Variants in SORBS2 observed in about 807,000 individuals in gnomAD.
SORBS2 encodes the protein sorbin and SH3 domain-containing protein 2.
Under a neutral mutation model 97.7 loss-of-function variants are expected in SORBS2, and 46 were observed. The observed-to-expected ratio is 0.47, with a 90% CI of 0.37 to 0.60. SORBS2 has a LOEUF of 0.60. Ranked by LOEUF, SORBS2 falls within the 20% of genes least tolerant of loss-of-function variation. The probability of loss-of-function intolerance (pLI) is 0.00; values close to 1 mark genes in which losing one functional copy is unlikely to be tolerated. For missense variants in SORBS2, 1,316 were observed against 1,282.3 expected (o/e 1.03, Z -0.40); for synonymous variants, 476 against 473.4 (o/e 1.01, Z -0.07).
At chr4:185,882,115 G>T (rs1057051447) in intron 1 of SORBS2, among the ~76,000 whole-genome samples, 4 of 152,014 alleles carry the variant, frequency 2.6e-5, no homozygotes, top group Non-Finnish European at 4.4e-5. Flanking sequence ...TTAAACTGAT[G>T]AAAAAGAAAC....
chr4:185,864,243 A>G (rs1377132361), intron 1 of SORBS2, among the ~76,000 whole-genome samples: 1 of 152,236 alleles, frequency 6.6e-6, no homozygotes, highest in Non-Finnish European at 1.5e-5. Context: ...CATGCCACCA[A>G]CAAAATACCT....
At chr4:185,856,542 T>A in intron 1 of SORBS2, among the ~76,000 whole-genome samples, 1 of 152,172 alleles carries the variant, frequency 6.6e-6, no homozygotes, top group East Asian at 1.9e-4. Flanking sequence ...CATTAAAGCA[T>A]CTCCAGTAAC....
At chr4:185,716,871 G>A (rs1288954265) in intron 2 of SORBS2, among the ~76,000 whole-genome samples, 1 of 152,210 alleles carries the variant, frequency 6.6e-6, no homozygotes, top group Non-Finnish European at 1.5e-5. Flanking sequence ...GTCCACCCCT[G>A]CATGACAGAT....
intron 1 of SORBS2, among the ~76,000 whole-genome samples, chr4:185,822,862 A>C (rs976269215): frequency 6.6e-6 from 1 of 152,156 alleles, no homozygotes; most frequent in Non-Finnish European, 1.5e-5. Context: ...TTAAGCTAGA[A>C]TTTTCCAATT....
intron 2 of SORBS2, among the ~76,000 whole-genome samples, chr4:185,742,970 G>A (rs1013374120): frequency 1.2e-4 from 18 of 152,104 alleles, no homozygotes; most frequent in African/African-American, 4.3e-4. Flanking sequence ...AAAGAGCCCC[G>A]CGGGCACAGC....
chr4:185,720,634 CT>C (rs2153559635), intron 2 of SORBS2, among the ~76,000 whole-genome samples: 1 of 152,250 alleles, frequency 6.6e-6, no homozygotes, highest in Admixed American at 6.5e-5. Flanking sequence ...CCCAGGTGCT[CT>C]GCCTTGTGAC....
intron 12 of SORBS2, among the ~76,000 whole-genome samples, chr4:185,611,363 A>G (rs9995721): frequency 0.42 from 63,550 of 151,214 alleles, 13,957 homozygotes; most frequent in African/African-American, 0.47. Flanking sequence ...TTGTATATAC[A>G]TGTATGAATA....
chr4:185,773,578 G>GA (rs1560941483), intron 2 of SORBS2: 1 of 4,044 alleles, frequency 2.5e-4, no homozygotes, highest in Non-Finnish European at 4.5e-4. Context: ...TGCAGAGGAC[G>GA]GGGCAGACTG....
chr4:185,785,817 G>T (rs895395558), intron 1 of SORBS2, among the ~76,000 whole-genome samples: 1 of 152,126 alleles, frequency 6.6e-6, no homozygotes, highest in Admixed American at 6.6e-5. Flanking sequence ...TAAGTTTCTG[G>T]TACTTCCTCG....
intron 1 of SORBS2, among the ~76,000 whole-genome samples, chr4:185,802,842 T>C (rs1174003739): frequency 1.3e-5 from 2 of 152,230 alleles, no homozygotes; most frequent in Non-Finnish European, 2.9e-5. Flanking sequence ...TAATCTGACC[T>C]TTAAACGGGT....
At chr4:185,876,937 T>A (rs1385637077) in intron 1 of SORBS2, among the ~76,000 whole-genome samples, 2 of 152,228 alleles carry the variant, frequency 1.3e-5, no homozygotes, top group Non-Finnish European at 2.9e-5. Flanking sequence ...TTGATAAGGT[T>A]AAAATAACAA....
chr4:185,902,145 T>C lies in SORBS2; in HGVS notation c.-338+54051A>G, dbSNP rs540505358. On this transcript the variant is annotated intron_variant, in intron 1 of 20. Coordinates refer to the SORBS2 transcript ENST00000284776. Reference sequence around the variant, plus strand: ...TTAAAAGCATATTAGTATACTTCTATCCATTCTTCAAAATCTGGGTTAAAA... The same window carrying C: ...TTAAAAGCATATTAGTATACTTCTACCCATTCTTCAAAATCTGGGTTAAAA... 2.6e-5 allele frequency among the ~76,000 whole-genome samples: 4 copies of C among 152,338 alleles called. No individual in the cohort carries two copies. In the South Asian group the frequency reaches 8.3e-4, roughly 32 times the overall value.
intron 1 of SORBS2, among the ~76,000 whole-genome samples, chr4:185,945,274 C>T (rs1291760795): frequency 2.0e-5 from 3 of 152,160 alleles, no homozygotes; most frequent in African/African-American, 7.2e-5. Context: ...TTATGAACCC[C>T]ATCAGCTCTC....
intron 4 of SORBS2, chr4:185,645,617 A>G (rs543470153): frequency 6.6e-6 from 1 of 152,288 alleles, no homozygotes; most frequent in East Asian, 1.9e-4. Flanking sequence ...TTCCAATTAA[A>G]CCACAGGGCT....
At chr4:185,718,887 T>C (rs988260326) in intron 2 of SORBS2, among the ~76,000 whole-genome samples, 2 of 152,196 alleles carry the variant, frequency 1.3e-5, no homozygotes, top group Admixed American at 1.3e-4. Flanking sequence ...ATAAGAGCAG[T>C]TGTGTGCCTT....
At chr4:185,934,720 G>C (rs2099268118) in intron 1 of SORBS2, among the ~76,000 whole-genome samples, 1 of 151,378 alleles carries the variant, frequency 6.6e-6, no homozygotes, top group Non-Finnish European at 1.5e-5. Flanking sequence ...GGAGGCGGAG[G>C]CTGCAGTGAG....
intron 2 of SORBS2, among the ~76,000 whole-genome samples, chr4:185,682,967 C>T (rs916681415): frequency 2.7e-5 from 4 of 147,378 alleles, no homozygotes; most frequent in East Asian, 4.0e-4. Flanking sequence ...GAGCCAAGAT[C>T]GTGCCACAGC....
At chr4:185,749,332 G>A (rs541805513) in intron 2 of SORBS2, among the ~76,000 whole-genome samples, 2 of 152,308 alleles carry the variant, frequency 1.3e-5, no homozygotes, top group South Asian at 2.1e-4. Context: ...GCCACCCTCT[G>A]GGAACAGCAG....
chr4:185,880,912 A>G (rs1272626788), intron 1 of SORBS2, among the ~76,000 whole-genome samples: 1 of 152,182 alleles, frequency 6.6e-6, no homozygotes, highest in Non-Finnish European at 1.5e-5. Context: ...TGAAAATGGC[A>G]TGGTAGCTAT....
Sources: allele counts gnomAD v4.1 joint callset (sites outside exome capture counted in the v4.1 genomes callset), GRCh38; gene constraint gnomAD v4.1.1; transcripts MANE v1.5; gene names NCBI Gene and HGNC (gene_info 2026-07-23, HGNC 2026-07-21).